Variants in ARHGAP6 observed in about 807,000 individuals in gnomAD.
ARHGAP6 encodes the protein rho GTPase-activating protein 6.
ARHGAP6 carries 16 observed loss-of-function variants against 55.7 expected under a neutral mutation model. The ratio of observed to expected loss-of-function variants is 0.29; its 90% CI spans 0.19 to 0.44. The LOEUF is 0.44. Among genes scored for constraint, ARHGAP6 ranks in the 20% least tolerant of loss-of-function variants. The probability of loss-of-function intolerance (pLI) is 1.00; values close to 1 mark genes in which losing one functional copy is unlikely to be tolerated. For missense variants in ARHGAP6, 698 were observed against 808.9 expected, an observed-to-expected ratio of 0.86 and a Z score of 1.66; for synonymous variants, 382 against 360.9, an observed-to-expected ratio of 1.06 and a Z score of -0.66.
intron 1 of ARHGAP6, among the ~76,000 whole-genome samples, chrX:11,357,224 C>T (rs896939303): frequency 9.9e-5 from 11 of 111,516 alleles, no homozygotes; most frequent in Non-Finnish European, 1.3e-4. Flanking sequence ...GCTTATGGAC[C>T]GACCCCAAAC....
chrX:11,461,033 C>T (rs1014046729), intron 1 of ARHGAP6, among the ~76,000 whole-genome samples: 2 of 111,764 alleles, frequency 1.8e-5, no homozygotes, highest in East Asian at 2.8e-4. Context: ...TCCAGCTGAG[C>T]GAGGGTCCTC....
chrX:11,318,798 G>A (rs747349278), intron 1 of ARHGAP6: 1 of 113,037 alleles, frequency 8.8e-6, no homozygotes, highest in Non-Finnish European at 1.9e-5. Context: ...ATCCTGTGAG[G>A]ATTCAACTGT....
chrX:11,427,771 C>T, intron 1 of ARHGAP6: 2 of 753,731 alleles, frequency 2.7e-6, no homozygotes, highest in Non-Finnish European at 3.1e-6. Context: ...GCTGCGGAGC[C>T]GGTGGGGACC....
intron 1 of ARHGAP6, among the ~76,000 whole-genome samples, chrX:11,309,282 TC>T (rs1196989215): frequency 9.0e-6 from 1 of 111,295 alleles, no homozygotes; most frequent in Non-Finnish European, 1.9e-5. Context: ...TAGCAGCAGC[TC>T]CAGGCAGTAG....
intron 1 of ARHGAP6, among the ~76,000 whole-genome samples, chrX:11,488,440 T>C (rs1198476781): frequency 8.9e-6 from 1 of 111,887 alleles, no homozygotes; most frequent in Non-Finnish European, 1.9e-5. Flanking sequence ...GTATCTTTAA[T>C]CACCACCATT....
At chrX:11,538,549 A>G (rs972155090) in intron 1 of ARHGAP6, among the ~76,000 whole-genome samples, 2 of 111,635 alleles carry the variant, frequency 1.8e-5, no homozygotes, top group African/African-American at 6.5e-5. Context: ...GAAGAACTCA[A>G]TATTTTTATA....
At chrX:11,380,522 G>C (rs1383693806) in intron 1 of ARHGAP6, among the ~76,000 whole-genome samples, 1 of 112,043 alleles carries the variant, frequency 8.9e-6, no homozygotes, top group Non-Finnish European at 1.9e-5. Context: ...TTTTAGAGCA[G>C]AGCTTCTCTC....
intron 1 of ARHGAP6, among the ~76,000 whole-genome samples, chrX:11,634,759 G>C (rs1010811671): frequency 3.6e-5 from 4 of 111,949 alleles, no homozygotes; most frequent in Non-Finnish European, 7.5e-5. Context: ...AATTATATTA[G>C]TTACCTATTG....
At chrX:11,149,456 T>C (rs918738788) in intron 10 of ARHGAP6, among the ~76,000 whole-genome samples, 1 of 108,191 alleles carries the variant, frequency 9.2e-6, no homozygotes. Flanking sequence ...GAATGGAGTA[T>C]GTGTGTTGGG....
At chrX:11,181,981 A>G (rs2046320218) in intron 6 of ARHGAP6, 82 bp downstream of exon 6, 2 of 794,197 alleles carry the variant, frequency 2.5e-6, no homozygotes, top group Non-Finnish European at 3.7e-6. Context: ...TCAAAATGGA[A>G]TTTGCATAAA....
chrX:11,572,728 G>A (rs1481481356), intron 1 of ARHGAP6, among the ~76,000 whole-genome samples: 3 of 111,631 alleles, frequency 2.7e-5, no homozygotes, highest in East Asian at 2.8e-4. Flanking sequence ...TGGGTCAAAT[G>A]GTATTTCTAG....
At position 11,358,201 on chromosome X, in the gene ARHGAP6, T is replaced by G. The variant is rs73498705; in HGVS notation, c.589-103494A>C. On this transcript the variant is annotated intron_variant, in intron 1 of 12. Transcript: ENST00000337414. ...ACATTTTCGAGGTTTGCATGTGTTG[T>G]CGCAGGAATCATCCCTTTTGTGGCT... is the stretch of plus-strand genomic sequence containing the variant. Among the ~76,000 whole-genome samples the G allele has an allele frequency of 6.4e-3, 717 of 112,211 alleles. 6 individuals carry two copies. Among genetic ancestry groups the G allele is most frequent in the African/African-American group, 0.022 (681 of 30,864 alleles).
intron 1 of ARHGAP6, among the ~76,000 whole-genome samples, chrX:11,356,251 C>T (rs1169651562): frequency 1.3e-4 from 13 of 102,662 alleles, no homozygotes; most frequent in Non-Finnish European, 1.6e-4. Context: ...CATCACACAC[C>T]GGGGCCTGTT....
At chrX:11,184,150 A>G (rs1354680633) in intron 5 of ARHGAP6, among the ~76,000 whole-genome samples, 1 of 112,309 alleles carries the variant, frequency 8.9e-6, no homozygotes, top group Non-Finnish European at 1.9e-5. Context: ...TGTTGTTGTT[A>G]TTTGGGGGAG....
At chrX:11,374,050 TACAAAC>T (rs1432177315) in intron 1 of ARHGAP6, among the ~76,000 whole-genome samples, 1 of 111,867 alleles carries the variant, frequency 8.9e-6, no homozygotes, top group African/African-American at 3.3e-5. Flanking sequence ...TATCTGAAGA[TACAAAC>T]ACAAGCCTGA....
At chrX:11,143,614 T>C in intron 11 of ARHGAP6, 1 of 960,859 alleles carries the variant, frequency 1.0e-6, no homozygotes. Context: ...CAGCAGTAAT[T>C]GGGTGGCACC....
At chrX:11,528,316 T>A (rs767506789) in intron 1 of ARHGAP6, among the ~76,000 whole-genome samples, 1 of 112,236 alleles carries the variant, frequency 8.9e-6, no homozygotes, top group African/African-American at 3.2e-5. Context: ...CTGTGGCACG[T>A]TTAGATAAAA....
At chrX:11,534,422 C>T (rs766814432) in intron 1 of ARHGAP6, among the ~76,000 whole-genome samples, 1 of 111,387 alleles carries the variant, frequency 9.0e-6, no homozygotes, top group Non-Finnish European at 1.9e-5. Flanking sequence ...GCAATATTGA[C>T]ATTTGGATAA....
chrX:11,447,209 G>A (rs1220377132), intron 1 of ARHGAP6, among the ~76,000 whole-genome samples: 3 of 111,976 alleles, frequency 2.7e-5, no homozygotes, highest in Middle Eastern at 4.6e-3. Flanking sequence ...TCAGAATATC[G>A]TGACCTATTA....
Sources: allele counts gnomAD v4.1 joint callset (sites outside exome capture counted in the v4.1 genomes callset), GRCh38; gene constraint gnomAD v4.1.1; transcripts MANE v1.5; gene names NCBI Gene and HGNC (gene_info 2026-07-23, HGNC 2026-07-21).